The following SUCO variants were observed in gnomAD, a reference collection of about 807,000 sequenced individuals.
SUCO encodes SUN domain-containing ossification factor.
A neutral mutation model predicts 148.1 loss-of-function variants in SUCO; 57 were observed. The observed-to-expected ratio is 0.38, with a 90% CI of 0.31 to 0.48. SUCO has a LOEUF of 0.48. SUCO is among the 20% of genes least tolerant of loss of function. The pLI is 0.96. For missense variants in SUCO, 1,331 were observed against 1,468.2 expected, an observed-to-expected ratio of 0.91 and a Z score of 1.53; for synonymous variants, 470 against 502.7, an observed-to-expected ratio of 0.93 and a Z score of 0.87.
chr1:172,609,733 C>T (rs560308314), intron 23 of SUCO, 83 bp from the exon 24 acceptor site: 1 of 1,515,644 alleles, frequency 6.6e-7, no homozygotes, highest in Admixed American at 2.4e-5. Context: ...GGTGGCACTT[C>T]TCTATTAGCT....
At chr1:172,601,015 G>A (rs1657477788) in intron 20 of SUCO, among the ~76,000 whole-genome samples, 1 of 152,194 alleles carries the variant, frequency 6.6e-6, no homozygotes, top group African/African-American at 2.4e-5. Flanking sequence ...GGTCATGTAG[G>A]ACTTCGTAGA....
intron 15 of SUCO, chr1:172,584,530 T>G (rs1246568488): frequency 6.1e-6 from 1 of 164,544 alleles, no homozygotes; most frequent in Admixed American, 6.5e-5. Context: ...CCTAGCACTT[T>G]GAGAGGCTGA....
upstream of SUCO, chr1:172,532,372 C>A (rs968228917): frequency 3.3e-6 from 3 of 902,368 alleles, no homozygotes; most frequent in Non-Finnish European, 5.0e-6. Flanking sequence ...ACCAACAGAA[C>A]GAAAAGCAAC....
chr1:172,588,908 G>T lies in SUCO; in HGVS notation c.1807G>T (p.Asp603Tyr), dbSNP rs1246271874. ...CCTTCTGGGCAGCGGTGAACAGGAAGATGAATCATCACCCTGGTTTGAGTC... is the reference window on the plus strand; with the variant it reads ...CCTTCTGGGCAGCGGTGAACAGGAATATGAATCATCACCCTGGTTTGAGTC... ...VTLLGSGEQE[D>Y]ESSPWFESET... is the part of the protein sequence containing the mutation. Residue 603 changes from aspartate to tyrosine, a missense_variant, in exon 18 of 24, where the codon GAT becomes TAT. Physicochemically the swap from Asp to Tyr is radical, Grantham distance 160. Coordinates refer to ENST00000263688, the MANE Select transcript of SUCO (RefSeq NM_014283.5). 1 of 1,613,074 alleles carries T rather than the reference G, an allele frequency of 6.2e-7. No individual in the cohort carries two copies.
intron 19 of SUCO, among the ~76,000 whole-genome samples, chr1:172,595,356 T>C (rs1657018145): frequency 6.6e-6 from 1 of 152,242 alleles, no homozygotes; most frequent in South Asian, 2.1e-4. Flanking sequence ...CGTTAGTTCA[T>C]GCAGTTTCTT....
At chr1:172,578,210 C>G (rs1655600856) in intron 13 of SUCO, 88 bp from the exon 14 acceptor site, 3 of 1,030,792 alleles carry the variant, frequency 2.9e-6, no homozygotes, top group Non-Finnish European at 4.5e-6. Context: ...AAAATATGAC[C>G]AAAGTTGATG....
At chr1:172,595,565 G>A (rs147539334) in intron 19 of SUCO, among the ~76,000 whole-genome samples, 13,820 of 152,172 alleles carry the variant, frequency 0.091, 883 homozygotes, top group South Asian at 0.28. Flanking sequence ...TGAAGTTCTG[G>A]GTTGAAAATT....
chr1:172,584,404 T>C, intron 15 of SUCO: 5 of 910,084 alleles, frequency 5.5e-6, no homozygotes, highest in Non-Finnish European at 6.6e-6. Context: ...ACAGACTGTA[T>C]GTTGAGTTAT....
chr1:172,561,008 C>T (rs56001419), intron 6 of SUCO, among the ~76,000 whole-genome samples: 9,856 of 152,250 alleles, frequency 0.065, 1,030 homozygotes, highest in African/African-American at 0.22. Context: ...AGGGTGGCAC[C>T]GCCACCTTCC....
chr1:172,581,815 T>C (rs946280510), intron 15 of SUCO, among the ~76,000 whole-genome samples: 1 of 152,214 alleles, frequency 6.6e-6, no homozygotes. Context: ...TTACTAGTTA[T>C]AGGAAATATG....
In SUCO at chr1:172,589,571, A is replaced by G. The variant is rs1338330938; in HGVS notation, c.2470A>G (p.Ile824Val). ...MQIFTKLSET[I>V]VPPINTATVP... ...AATTTTCACAAAGCTGTCTGAAACA[A>G]TAGTGCCACCAATAAATACAGCCAC... is the stretch of plus-strand genomic sequence containing the variant. Residue 824 changes from isoleucine (I) to valine (V), a missense_variant, in exon 18 of 24, where the codon ATA becomes GTA. Ile to Val is a conservative substitution (Grantham distance 29, BLOSUM62 3). This residue lies in a region of SUCO where 992 missense variants were observed against 1,093.5 expected (regional missense o/e 0.91). Coordinates refer to ENST00000263688, the MANE Select transcript of SUCO (RefSeq NM_014283.5). 4 of 1,613,816 alleles carry G rather than the reference A, an allele frequency of 2.5e-6. No homozygotes were observed. Among genetic ancestry groups the G allele is most frequent in the South Asian group, 1.1e-5 (1 of 91,052 alleles).
At chr1:172,609,715 C>T in intron 23 of SUCO, 101 bp from the exon 24 acceptor site, 2 of 1,494,210 alleles carry the variant, frequency 1.3e-6, no homozygotes, top group African/African-American at 1.4e-5. Flanking sequence ...TTTTACTTTT[C>T]ACCAGGAGGT....
intron 9 of SUCO, 86 bp from the exon 10 acceptor site, chr1:172,573,805 C>G (rs1655221733): frequency 1.4e-6 from 1 of 737,536 alleles, no homozygotes; most frequent in East Asian, 2.7e-5. Context: ...TAATGGTAGT[C>G]TAATTTATGG....
chr1:172,594,839 T>C (rs772479160), intron 19 of SUCO, among the ~76,000 whole-genome samples: 1 of 152,224 alleles, frequency 6.6e-6, no homozygotes, highest in African/African-American at 2.4e-5. Context: ...CTTTGTTAAC[T>C]TTCTGTCTTA....
chr1:172,600,065 A>T lies in SUCO; in HGVS notation c.2915A>T (p.Asp972Val), dbSNP rs759711039. The T allele has an allele frequency of 1.9e-6, 3 of 1,596,410 alleles. No homozygotes were observed. The highest frequency in any genetic ancestry group is 2.3e-5 in the South Asian group (2 of 87,366). The change falls in exon 20 of 24, where the codon GAT becomes GTT. Residue 972 changes from aspartate to valine, a missense_variant and splice_region_variant. Asp to Val is a radical substitution (Grantham distance 152). Around this residue, in one of 3 missense-constraint regions of SUCO, gnomAD observed 334 missense variants for 352.3 expected, o/e 0.95. Transcript: ENST00000263688. ...QNTSRIAEEQ[D>V]QRQTEAIQLL... is the part of the protein sequence containing the mutation. ...AAAAAATAAATTCCTTTATCATAGG[A>T]TCAGCGGCAAACTGAAGCCATCCAG...
chr1:172,600,042 A>T (rs770926387), intron 19 of SUCO, 22 bp from the exon 20 acceptor site: 11 of 1,525,652 alleles, frequency 7.2e-6, no homozygotes, highest in African/African-American at 2.8e-5. Flanking sequence ...TATTCAAAAA[A>T]AAATAAATTC....
At chr1:172,572,660 A>G (rs1655119798) in intron 9 of SUCO, among the ~76,000 whole-genome samples, 1 of 142,978 alleles carries the variant, frequency 7.0e-6, no homozygotes, top group Non-Finnish European at 1.5e-5. Flanking sequence ...GACCCTGCCA[A>G]ATCCCCCTCT....
At chr1:172,570,239 G>T in intron 8 of SUCO, 68 bp downstream of exon 8, 1 of 909,430 alleles carries the variant, frequency 1.1e-6, no homozygotes, top group South Asian at 2.4e-5. Context: ...CAGGTTATTT[G>T]TTTACTGGGA....
chr1:172,609,621 A>G (rs1558219434), intron 23 of SUCO, 195 bp from the exon 24 acceptor site: 1 of 985,072 alleles, frequency 1.0e-6, no homozygotes, highest in Non-Finnish European at 1.2e-6. Context: ...GTTTTGATTC[A>G]GTAGTATTTA....
Sources: gnomAD v4.1 joint callset for allele counts (sites outside exome capture counted in the v4.1 genomes callset) on GRCh38, gnomAD v4.1.1 for gene constraint, gnomAD v4.1.1 regional missense constraint, MANE v1.5 for transcripts, NCBI Gene and HGNC (gene_info 2026-07-23, HGNC 2026-07-21) for gene names.